CNTNAP2: variants seen among roughly 807,000 people sequenced by gnomAD.
CNTNAP2 encodes the protein contactin-associated protein-like 2.
Under a neutral mutation model 155.2 loss-of-function variants are expected in CNTNAP2, and 98 were observed. The observed-to-expected ratio is 0.63, with a 90% CI of 0.54 to 0.75. The LOEUF is 0.75. Among genes scored for constraint, CNTNAP2 ranks in the 30% least tolerant of loss-of-function variants. CNTNAP2 has a pLI of 0.00. For synonymous variants in CNTNAP2, 651 were observed against 631.2 expected (o/e 1.03, Z -0.47); for missense variants, 1,727 against 1,688.1 (o/e 1.02, Z -0.40).
intron 1 of CNTNAP2, among the ~76,000 whole-genome samples, chr7:146,772,638 C>A (rs1180436225): frequency 6.6e-6 from 1 of 152,022 alleles, no homozygotes; most frequent in Non-Finnish European, 1.5e-5. Context: ...CACTGCACTC[C>A]AGCCTGGGCA....
At chr7:147,914,432 C>T (rs541180398) in intron 14 of CNTNAP2, among the ~76,000 whole-genome samples, 2 of 150,254 alleles carry the variant, frequency 1.3e-5, no homozygotes, top group Non-Finnish European at 2.9e-5. Flanking sequence ...CCCAGCCACT[C>T]GGGAGGCTGA....
intron 10 of CNTNAP2, among the ~76,000 whole-genome samples, chr7:147,424,314 C>T (rs936947085): frequency 3.3e-5 from 5 of 152,172 alleles, no homozygotes; most frequent in Non-Finnish European, 7.3e-5. Context: ...TTCATCCCCA[C>T]CATATCAGTC....
chr7:147,907,288 C>A (rs1369804677), intron 14 of CNTNAP2, among the ~76,000 whole-genome samples: 1 of 151,962 alleles, frequency 6.6e-6, no homozygotes, highest in Non-Finnish European at 1.5e-5. Flanking sequence ...GATCTCCTGA[C>A]CTCGTGATCT....
intron 1 of CNTNAP2, among the ~76,000 whole-genome samples, chr7:146,305,594 A>C (rs1417897999): frequency 6.6e-6 from 1 of 152,086 alleles, no homozygotes; most frequent in East Asian, 1.9e-4. Context: ...CAGAACGGCA[A>C]ATATTGCTGC....
At chr7:146,327,036 T>C (rs938389719) in intron 1 of CNTNAP2, among the ~76,000 whole-genome samples, 12 of 152,210 alleles carry the variant, frequency 7.9e-5, no homozygotes, top group Non-Finnish European at 1.5e-4. Context: ...GTGCCACTTA[T>C]TTTATACTGC....
chr7:146,545,726 G>A (rs542844546), intron 1 of CNTNAP2, among the ~76,000 whole-genome samples: 2 of 152,012 alleles, frequency 1.3e-5, no homozygotes, highest in Middle Eastern at 6.8e-3. Context: ...CTTTTACACT[G>A]CTGGGAGTGT....
chr7:148,283,255 A>AAGAAAAGAAAAG (rs1797007935), intron 21 of CNTNAP2, among the ~76,000 whole-genome samples: 6 of 63,632 alleles, frequency 9.4e-5, no homozygotes, highest in East Asian at 6.0e-4. Flanking sequence ...AAAAAAAAAA[A>AAGAAAAGAAAAG]AAAGAAAGAA....
At chr7:146,759,804 T>C (rs1325137182) in intron 1 of CNTNAP2, among the ~76,000 whole-genome samples, 1 of 151,918 alleles carries the variant, frequency 6.6e-6, no homozygotes, top group Non-Finnish European at 1.5e-5. Flanking sequence ...TTTTCCAGGT[T>C]ACCCCTTATG....
intron 8 of CNTNAP2, among the ~76,000 whole-genome samples, chr7:147,280,880 A>T (rs995476637): frequency 1.3e-5 from 2 of 151,904 alleles, no homozygotes; most frequent in African/African-American, 4.8e-5. Context: ...AACCCAGCTA[A>T]CAAAATCTCA....
chr7:147,805,007 T>C (rs886350506), intron 13 of CNTNAP2, among the ~76,000 whole-genome samples: 3 of 152,184 alleles, frequency 2.0e-5, no homozygotes, highest in Non-Finnish European at 4.4e-5. Flanking sequence ...AATCCAGACC[T>C]GGAATCTCCT....
At chr7:146,376,474 C>A (rs1795305600) in intron 1 of CNTNAP2, among the ~76,000 whole-genome samples, 1 of 152,040 alleles carries the variant, frequency 6.6e-6, no homozygotes, top group Non-Finnish European at 1.5e-5. Flanking sequence ...AACTTTACAC[C>A]ATAAGGGTTT....
At chr7:147,821,931 G>A (rs1262731562) in intron 13 of CNTNAP2, among the ~76,000 whole-genome samples, 6 of 152,064 alleles carry the variant, frequency 3.9e-5, no homozygotes, top group African/African-American at 1.4e-4. Flanking sequence ...ATTTTATTGG[G>A]GGAAAAATAA....
chr7:148,086,606 TC>T (rs1285247713), intron 15 of CNTNAP2, among the ~76,000 whole-genome samples: 1 of 152,244 alleles, frequency 6.6e-6, no homozygotes, highest in Non-Finnish European at 1.5e-5. Context: ...GTGACCCTTG[TC>T]CGGACTCACA....
At chr7:146,856,248 G>A (rs770543403) in intron 3 of CNTNAP2, among the ~76,000 whole-genome samples, 2 of 150,402 alleles carry the variant, frequency 1.3e-5, no homozygotes, top group Non-Finnish European at 3.0e-5. Flanking sequence ...CAGACAGATA[G>A]ATAGATGATA....
intron 3 of CNTNAP2, among the ~76,000 whole-genome samples, chr7:146,890,852 AT>A (rs1160669633): frequency 6.6e-6 from 1 of 152,142 alleles, no homozygotes; most frequent in Non-Finnish European, 1.5e-5. Context: ...TAGCCCTGGA[AT>A]TAAAAGACAG....
At chr7:147,354,949 G>A (rs1584894779) in intron 9 of CNTNAP2, among the ~76,000 whole-genome samples, 2 of 152,096 alleles carry the variant, frequency 1.3e-5, no homozygotes, top group South Asian at 4.1e-4. Context: ...TCTATTATTG[G>A]TATATAGAAA....
chr7:146,334,039 T>C (rs988220588), intron 1 of CNTNAP2, among the ~76,000 whole-genome samples: 2 of 152,160 alleles, frequency 1.3e-5, no homozygotes, highest in African/African-American at 2.4e-5. Flanking sequence ...GTCTCCACCA[T>C]AGCAGAAGAA....
At chr7:146,690,865 C>A (rs1370677559) in intron 1 of CNTNAP2, among the ~76,000 whole-genome samples, 6 of 152,066 alleles carry the variant, frequency 3.9e-5, no homozygotes, top group Admixed American at 1.3e-4. Flanking sequence ...GCAACTGTTT[C>A]ATTTTGTCAG....
chr7:147,356,208 A>G (rs1037405996), intron 9 of CNTNAP2, among the ~76,000 whole-genome samples: 5 of 152,214 alleles, frequency 3.3e-5, no homozygotes, highest in Non-Finnish European at 7.3e-5. Flanking sequence ...TAATAGATGC[A>G]GAAAAGGCCT....
Sources: gnomAD v4.1 joint callset for allele counts (sites outside exome capture counted in the v4.1 genomes callset) on GRCh38, gnomAD v4.1.1 for gene constraint, MANE v1.5 for transcripts, NCBI Gene and HGNC (gene_info 2026-07-23, HGNC 2026-07-21) for gene names.